The following CCDC171 variants were observed in gnomAD, a reference collection of about 807,000 sequenced individuals.
CCDC171 encodes coiled-coil domain containing 171.
Under a neutral mutation model 168.2 loss-of-function variants are expected in CCDC171, and 177 were observed. The ratio of observed to expected loss-of-function variants is 1.05; its 90% CI spans 0.93 to 1.19. The LOEUF (loss-of-function observed/expected upper bound fraction) is 1.19, where lower values mean the gene tolerates loss of function less well. Among genes scored for constraint, CCDC171 ranks in the 50% most tolerant of loss-of-function variants. The pLI, the probability that CCDC171 is intolerant of heterozygous loss-of-function variation, is 0.00. For synonymous variants in CCDC171, 687 were observed against 540.8 expected, an observed-to-expected ratio of 1.27 and a Z score of -3.75; for missense variants, 1,991 against 1,539.0, an observed-to-expected ratio of 1.29 and a Z score of -4.91.
intron 18 of CCDC171, among the ~76,000 whole-genome samples, chr9:15,775,263 T>C (rs546628737): frequency 2.0e-5 from 3 of 152,366 alleles, no homozygotes; most frequent in African/African-American, 7.2e-5. Context: ...TTTAGAAGAA[T>C]GCATTGCAGA....
Position 15,609,006 on chromosome 9 carries a change from C to G in CCDC171, c.676-14261C>G, listed in dbSNP as rs550787403. Among the ~76,000 whole-genome samples the G allele has an allele frequency of 1.1e-3, 127 of 112,342 alleles. No homozygotes were observed. The Middle Eastern group carries it at 0.025, about 22-fold the overall frequency. The allele number at this position is 112,342 out of a possible 152,430, so 73.7% of individuals were successfully genotyped here. On this transcript the variant is annotated intron_variant, in intron 6 of 25. Transcript: ENST00000380701. The stretch of plus-strand genomic sequence containing the variant: ...TTTTTTTAAAAAATATATTTAGTAA[C>G]TAACCCTTGGTTATGTATATTCCTT...
At chr9:16,035,829 G>A (rs759275238) in intron 7 of CCDC171, among the ~76,000 whole-genome samples, 2 of 152,192 alleles carry the variant, frequency 1.3e-5, no homozygotes, top group South Asian at 2.1e-4. Context: ...TTGTGTGGAA[G>A]AGTAACTTAC....
intron 7 of CCDC171, among the ~76,000 whole-genome samples, chr9:15,626,951 A>T (rs191452589): frequency 1.7e-4 from 26 of 152,040 alleles, no homozygotes; most frequent in Admixed American, 1.4e-3. Context: ...GGTCCTGGAC[A>T]TTTTTTGGTT....
rs551915175 is a variant in CCDC171 at position 15,818,028 on chromosome 9, C to T, written c.3268-28674C>T. On this transcript the variant is annotated intron_variant, in intron 21 of 25. Transcript: ENST00000380701. ...AGGAACGATCAGGCAGCAGCATTTG[C>T]GGTTCACTAACATCTGCTGTTCTGC... Among the ~76,000 whole-genome samples, 4 of 117,228 alleles carry T rather than the reference C, an allele frequency of 3.4e-5. 1 individual carries two copies. Among genetic ancestry groups the T allele is most frequent in the Admixed American group, 1.6e-4 (2 of 12,448 alleles). 76.9% of individuals were successfully genotyped at this position (117,228 alleles called of 152,430 possible).
intron 10 of CCDC171, among the ~76,000 whole-genome samples, chr9:15,688,515 T>G (rs2050567934): frequency 6.6e-6 from 1 of 152,142 alleles, no homozygotes; most frequent in Non-Finnish European, 1.5e-5. Context: ...AAAAAGATAT[T>G]ACACCATGAT....
chr9:16,046,213 C>T (rs1443097473), intron 1 of CCDC171, among the ~76,000 whole-genome samples: 2 of 152,156 alleles, frequency 1.3e-5, no homozygotes, highest in Non-Finnish European at 2.9e-5. Context: ...TTTCAGGAGG[C>T]TCCAACACAT....
In CCDC171 at chr9:15,576,273, T is replaced by G. The variant is rs553483339; in HGVS notation, c.178-2576T>G. ...ATCATTGCTCCCTACAGCCTGGAAC[T>G]CCTGGGCTCAAGTGATTTTATGCTG... On this transcript the variant is annotated intron_variant, in intron 3 of 25. Coordinates refer to ENST00000380701, the MANE Select transcript of CCDC171 (RefSeq NM_173550.4). Among the ~76,000 whole-genome samples the G allele has an allele frequency of 7.2e-5, 11 of 152,026 alleles. No homozygotes were observed. The South Asian group carries it at 2.3e-3, about 32-fold the overall frequency.
At chr9:15,904,048 G>T (rs1379297284) in intron 24 of CCDC171, among the ~76,000 whole-genome samples, 1 of 152,190 alleles carries the variant, frequency 6.6e-6, no homozygotes, top group Non-Finnish European at 1.5e-5. Flanking sequence ...ATCTACATCT[G>T]ATTGGTGTAC....
the CCDC171 span, among the ~76,000 whole-genome samples, chr9:16,080,462 C>G: frequency 6.6e-6 from 1 of 151,942 alleles, no homozygotes; most frequent in East Asian, 1.9e-4. Flanking sequence ...ACGTCTTTTT[C>G]TCTATCTCTA....
At chr9:15,942,840 T>A (rs975167157) in intron 25 of CCDC171, among the ~76,000 whole-genome samples, 4 of 151,956 alleles carry the variant, frequency 2.6e-5, no homozygotes, top group Non-Finnish European at 5.9e-5. Flanking sequence ...ATAGAAATTT[T>A]AAACTATGAC....
chr9:15,974,656 T>G (rs1355609448), downstream of CCDC171, among the ~76,000 whole-genome samples: 1 of 152,162 alleles, frequency 6.6e-6, no homozygotes, highest in African/African-American at 2.4e-5. Context: ...TGACATAATA[T>G]AAAAACAAAG....
In CCDC171 at chr9:15,594,080, G is replaced by A; in HGVS notation, c.583G>A (p.Glu195Lys). 1 of 1,578,586 alleles carries A rather than the reference G, an allele frequency of 6.3e-7. No individual in the cohort carries two copies. Among genetic ancestry groups the A allele is most frequent in the African/African-American group, 1.4e-5 (1 of 73,984 alleles). Residue 195 changes from glutamate (E) to lysine (K), a missense_variant, in exon 6 of 26, where the codon GAG becomes AAG. Physicochemically the swap from Glu to Lys is moderately conservative, Grantham distance 56. Coordinates refer to ENST00000380701, the MANE Select transcript of CCDC171 (RefSeq NM_173550.4). ...ACATCAACGGGAGAAGAATGAGATG[G>A]AGTCTCATATCAGGGAGACAGCATT... Reference protein sequence around the residue: ...EKHQREKNEMESHIRETALEE... With the variant: ...EKHQREKNEMKSHIRETALEE...
intron 3 of CCDC171, among the ~76,000 whole-genome samples, chr9:15,993,864 A>T (rs1202506908): frequency 1.3e-5 from 2 of 152,230 alleles, no homozygotes; most frequent in Non-Finnish European, 2.9e-5. Flanking sequence ...CATCAGAGAA[A>T]TGCAAATCGA....
chr9:15,656,332 A>C lies in CCDC171; in HGVS notation c.823-795A>C, dbSNP rs920600056. ...GCGAGACTCCGTCTCAAAAAAAAAA[A>C]AAAACAAATCAATATGTACCTGTCA... On this transcript the variant is annotated intron_variant, in intron 7 of 25. Coordinates refer to ENST00000380701, the MANE Select transcript of CCDC171 (RefSeq NM_173550.4). 7.9e-5 allele frequency among the ~76,000 whole-genome samples: 12 copies of C among 152,204 alleles called. No individual in the cohort carries two copies. In the East Asian group the frequency reaches 1.4e-3, roughly 17 times the overall value.
chr9:16,105,764 T>C, the CCDC171 span, among the ~76,000 whole-genome samples: 1 of 152,264 alleles, frequency 6.6e-6, no homozygotes, highest in South Asian at 2.1e-4. Context: ...GGCCAGTTGC[T>C]AACCAACACG....
At chr9:15,944,823 C>CT (rs752325078) in intron 25 of CCDC171, among the ~76,000 whole-genome samples, 1 of 33,776 alleles carries the variant, frequency 3.0e-5, no homozygotes, top group Non-Finnish European at 6.2e-5. Flanking sequence ...GGTTAGAATT[C>CT]TTTTTCTTTC....
intron 21 of CCDC171, among the ~76,000 whole-genome samples, chr9:15,841,275 GTAAA>G (rs1292595731): frequency 1.3e-5 from 2 of 151,952 alleles, no homozygotes; most frequent in African/African-American, 2.4e-5. Flanking sequence ...GTATATATAA[GTAAA>G]TAAATGAGGC....
In CCDC171 at chr9:15,691,260, A is replaced by G. The variant is rs1587981832; in HGVS notation, c.1216-3975A>G. ...TGGTACATCTGACCAATGGAGTACT[A>G]TACAGCTAAAAAAGTTTCTGACGTG... On this transcript the variant is annotated intron_variant, in intron 10 of 25. Transcript: ENST00000380701. 2.0e-5 allele frequency among the ~76,000 whole-genome samples: 3 copies of G among 152,124 alleles called. No individual in the cohort carries two copies. In the South Asian group the frequency reaches 6.2e-4, roughly 32 times the overall value.
intron 25 of CCDC171, among the ~76,000 whole-genome samples, chr9:15,942,246 A>C (rs1180837650): frequency 6.6e-6 from 1 of 151,994 alleles, no homozygotes; most frequent in Admixed American, 6.6e-5. Context: ...ATAGTTTGCT[A>C]AAAATTCCAT....
Sources: allele counts gnomAD v4.1 joint callset (sites outside exome capture counted in the v4.1 genomes callset), GRCh38; gene constraint gnomAD v4.1.1; transcripts MANE v1.5; gene names NCBI Gene and HGNC (gene_info 2026-07-23, HGNC 2026-07-21).